CNTN5: variants seen among roughly 807,000 people sequenced by gnomAD.
The protein encoded by CNTN5 is contactin 5, also known as contactin-5.
A neutral mutation model predicts 129.1 loss-of-function variants in CNTN5; 77 were observed. The observed-to-expected ratio is 0.60, with a 90% CI of 0.50 to 0.72. CNTN5 has a LOEUF of 0.72. Among genes scored for constraint, CNTN5 ranks in the 30% least tolerant of loss-of-function variants. The pLI is 0.00. For missense variants in CNTN5, 1,478 were observed against 1,328.8 expected, an observed-to-expected ratio of 1.11 and a Z score of -1.75; for synonymous variants, 509 against 465.6, an observed-to-expected ratio of 1.09 and a Z score of -1.20.
chr11:99,934,625 C>T (rs1280887186), intron 7 of CNTN5, among the ~76,000 whole-genome samples: 1 of 152,052 alleles, frequency 6.6e-6, no homozygotes, highest in Non-Finnish European at 1.5e-5. Flanking sequence ...CATGGTTTCT[C>T]ATGCCTGTAA....
chr11:99,390,359 C>A (rs912495199), intron 2 of CNTN5, among the ~76,000 whole-genome samples: 2 of 152,128 alleles, frequency 1.3e-5, no homozygotes, highest in African/African-American at 2.4e-5. Flanking sequence ...CTCAAACTAT[C>A]CTCCAGTCTC....
intron 2 of CNTN5, among the ~76,000 whole-genome samples, chr11:99,454,931 T>C (rs1944442401): frequency 6.6e-6 from 1 of 151,506 alleles, no homozygotes; most frequent in South Asian, 2.1e-4. Context: ...CACAGAAGAG[T>C]AGTAAGCATT....
intron 6 of CNTN5, among the ~76,000 whole-genome samples, chr11:99,893,856 G>A (rs1949129553): frequency 6.6e-6 from 1 of 152,060 alleles, no homozygotes; most frequent in Non-Finnish European, 1.5e-5. Flanking sequence ...TTTGGCTAGA[G>A]CAAATAATAT....
At chr11:99,090,090 T>A (rs1051240109) in intron 1 of CNTN5, among the ~76,000 whole-genome samples, 6 of 152,198 alleles carry the variant, frequency 3.9e-5, no homozygotes, top group African/African-American at 1.4e-4. Context: ...TTAACCATGA[T>A]GATTGTTTTT....
chr11:99,726,756 T>C (rs1943353256), intron 3 of CNTN5, among the ~76,000 whole-genome samples: 1 of 152,142 alleles, frequency 6.6e-6, no homozygotes, highest in Non-Finnish European at 1.5e-5. Context: ...ATTTTAGACA[T>C]TTAGGAGAAT....
chr11:99,819,369 C>A, intron 3 of CNTN5, among the ~76,000 whole-genome samples, 175 bp from the exon 4 acceptor site: 1 of 140,814 alleles, frequency 7.1e-6, no homozygotes, highest in Non-Finnish European at 1.5e-5. Context: ...GTAGAATTTT[C>A]AGAAAATATT....
intron 13 of CNTN5, among the ~76,000 whole-genome samples, chr11:100,176,536 C>A (rs1947969766): frequency 6.6e-6 from 1 of 151,774 alleles, no homozygotes; most frequent in African/African-American, 2.4e-5. Context: ...TATGATGAAG[C>A]CCTGAGGAAG....
rs1257838235 is a variant in CNTN5, at chr11:100,234,651, G to C, written c.2005+9839G>C. 2.0e-5 allele frequency among the ~76,000 whole-genome samples: 3 copies of C among 151,886 alleles called. 1 individual carries two copies. The highest frequency in any genetic ancestry group is 4.2e-4 in the South Asian group (2 of 4,784). On this transcript the variant is annotated intron_variant, in intron 16 of 24. Transcript: ENST00000524871. ...CACATCAGGGCCTGCCAGCAGGGTG[G>C]GGGTGGTTGGGGGCTAGGGGAGGGA...
intron 2 of CNTN5, among the ~76,000 whole-genome samples, chr11:99,338,041 T>C (rs1866312727): frequency 6.6e-6 from 1 of 152,196 alleles, no homozygotes. Context: ...AAAAATTAAA[T>C]TGCTGTAAAA....
chr11:99,103,968 C>A (rs10790460), intron 1 of CNTN5, among the ~76,000 whole-genome samples: 6 of 151,860 alleles, frequency 4.0e-5, no homozygotes, highest in African/African-American at 1.5e-4. Context: ...TCTTCTGGCC[C>A]CTAGAGCTAT....
In CNTN5 at chr11:100,344,999, G is replaced by A. The variant is rs988357505; in HGVS notation, c.3030+3794G>A. Among the ~76,000 whole-genome samples the A allele has an allele frequency of 2.6e-5, 4 of 152,058 alleles. No individual in the cohort carries two copies. The East Asian group carries it at 7.7e-4, about 29-fold the overall frequency. Reference sequence around the variant, plus strand: ...ATATTAATAAAGTAATTGTAATCTTGAAAAGTAAACTATAGAAATAGCACA... The same window carrying A: ...ATATTAATAAAGTAATTGTAATCTTAAAAAGTAAACTATAGAAATAGCACA... On this transcript the variant is annotated intron_variant, in intron 23 of 24. Transcript: ENST00000524871.
chr11:100,009,732 C>T (rs1247957798), intron 9 of CNTN5, among the ~76,000 whole-genome samples: 2 of 152,090 alleles, frequency 1.3e-5, no homozygotes, highest in Non-Finnish European at 2.9e-5. Context: ...CATTTGTCTT[C>T]TAATGGTTTA....
chr11:99,408,760 G>T (rs1942253144), intron 2 of CNTN5, among the ~76,000 whole-genome samples: 1 of 151,992 alleles, frequency 6.6e-6, no homozygotes, highest in African/African-American at 2.4e-5. Context: ...AATGAACTTG[G>T]CCACCCAATT....
intron 1 of CNTN5, among the ~76,000 whole-genome samples, chr11:99,257,098 A>T (rs1398067940): frequency 6.6e-6 from 1 of 152,092 alleles, no homozygotes; most frequent in African/African-American, 2.4e-5. Context: ...CATGTGTTAG[A>T]GAAGGTGCAC....
intron 18 of CNTN5, among the ~76,000 whole-genome samples, chr11:100,276,527 C>CAAAAAAAAAAAAAAAAAAAAAAA (rs56774234): frequency 1.4e-5 from 1 of 70,072 alleles, no homozygotes; most frequent in African/African-American, 5.1e-5. Context: ...GAGACTCTCT[C>CAAAAAAAAAAAAAAAAAAAAAAA]AAAAAAAAAA....
intron 11 of CNTN5, 24 bp downstream of exon 11, chr11:100,070,584 G>C (rs1292802260): frequency 1.2e-6 from 2 of 1,610,936 alleles, no homozygotes; most frequent in South Asian, 2.2e-5. Context: ...TTATTAACCT[G>C]TTCTGCTGTA....
At chr11:99,874,726 C>G (rs1256881200) in intron 6 of CNTN5, among the ~76,000 whole-genome samples, 1 of 152,086 alleles carries the variant, frequency 6.6e-6, no homozygotes, top group Non-Finnish European at 1.5e-5. Flanking sequence ...AGTTCCAAGT[C>G]AACAAATTGA....
intron 3 of CNTN5, among the ~76,000 whole-genome samples, chr11:99,621,283 T>A (rs187751458): frequency 1.3e-5 from 2 of 152,110 alleles, no homozygotes; most frequent in Non-Finnish European, 2.9e-5. Context: ...GAGGTAATGA[T>A]GTGGAAAAGC....
At chr11:99,249,849 G>A (rs1481122230) in intron 1 of CNTN5, among the ~76,000 whole-genome samples, 1 of 151,904 alleles carries the variant, frequency 6.6e-6, no homozygotes, top group African/African-American at 2.4e-5. Context: ...AGTATATTGA[G>A]TATTAACTGT....
Sources: gnomAD v4.1 joint callset for allele counts (sites outside exome capture counted in the v4.1 genomes callset) on GRCh38, gnomAD v4.1.1 for gene constraint, MANE v1.5 for transcripts, NCBI Gene and HGNC (gene_info 2026-07-23, HGNC 2026-07-21) for gene names.